The following STPG2 variants were observed in gnomAD, a reference collection of about 807,000 sequenced individuals.
STPG2 encodes the protein sperm tail PG-rich repeat containing 2.
STPG2 carries 56 observed loss-of-function variants against 54.2 expected under a neutral mutation model. The observed-to-expected ratio is 1.03, with a 90% CI of 0.83 to 1.29. STPG2 has a LOEUF of 1.29. STPG2 is among the 50% of genes most tolerant of loss of function. The pLI, the probability that STPG2 is intolerant of heterozygous loss-of-function variation, is 0.00. For synonymous variants in STPG2, 200 were observed against 181.8 expected (o/e 1.10, Z -0.81); for missense variants, 596 against 544.9 (o/e 1.09, Z -0.93).
rs771053854 is a variant in STPG2 at position 98,106,076 on chromosome 4, T to C, written c.501-12A>G. ...ATGATGTCTTTTTCCTTCAGAAAAT[T>C]CAAATAGAAATTAAGAATTCTCAAT... On this transcript the variant is annotated splice_polypyrimidine_tract_variant and intron_variant, in intron 4 of 10. Transcript: ENST00000295268. The C allele has an allele frequency of 2.9e-6, 4 of 1,397,600 alleles. No homozygotes were observed. In the Admixed American group the frequency reaches 9.7e-5, roughly 34 times the overall value. 86.6% of individuals were successfully genotyped at this position (1,397,600 alleles called of 1,614,324 possible).
intron 4 of STPG2, among the ~76,000 whole-genome samples, chr4:97,474,988 AATTC>A (rs1730035791): frequency 6.6e-6 from 1 of 152,090 alleles, no homozygotes; most frequent in African/African-American, 2.4e-5. Flanking sequence ...ATACAGCATT[AATTC>A]ATTTTCTTAT....
intron 4 of STPG2, among the ~76,000 whole-genome samples, chr4:97,511,084 G>A (rs1013227220): frequency 1.3e-5 from 2 of 152,048 alleles, no homozygotes; most frequent in Non-Finnish European, 2.9e-5. Flanking sequence ...AATAGAAAAT[G>A]TATAGTAAGA....
chr4:97,795,489 T>C (rs983085152), intron 9 of STPG2, among the ~76,000 whole-genome samples: 1 of 152,208 alleles, frequency 6.6e-6, no homozygotes, highest in African/African-American at 2.4e-5. Flanking sequence ...GAATGATGGT[T>C]TCCAGCTTCA....
intron 8 of STPG2, among the ~76,000 whole-genome samples, chr4:97,882,300 G>C (rs1387822096): frequency 6.6e-6 from 1 of 150,920 alleles, no homozygotes; most frequent in East Asian, 2.0e-4. Flanking sequence ...TAGACCTTGG[G>C]GAGGAAAATA....
intron 5 of STPG2, among the ~76,000 whole-genome samples, chr4:98,022,024 G>A (rs1736223279): frequency 6.6e-6 from 1 of 151,564 alleles, no homozygotes; most frequent in African/African-American, 2.4e-5. Context: ...TACATTTAAA[G>A]TTAATATTGT....
chr4:97,713,245 G>A (rs1000920859), intron 9 of STPG2, among the ~76,000 whole-genome samples: 19 of 152,148 alleles, frequency 1.2e-4, no homozygotes, highest in Admixed American at 3.9e-4. Flanking sequence ...AAATCAAGAC[G>A]CAAAGATGGA....
At chr4:97,796,660 C>A (rs1727193526) in intron 9 of STPG2, among the ~76,000 whole-genome samples, 1 of 152,116 alleles carries the variant, frequency 6.6e-6, no homozygotes, top group South Asian at 2.1e-4. Flanking sequence ...GTTCTTTTGG[C>A]TTAGGATTGT....
At chr4:98,015,226 GA>G (rs1426795034) in intron 5 of STPG2, among the ~76,000 whole-genome samples, 1 of 152,100 alleles carries the variant, frequency 6.6e-6, no homozygotes, top group Admixed American at 6.6e-5. Flanking sequence ...TTAAACTAAA[GA>G]GCTTCTGCAC....
chr4:97,525,459 G>A (rs1187278084), intron 4 of STPG2, among the ~76,000 whole-genome samples: 2 of 151,820 alleles, frequency 1.3e-5, no homozygotes, highest in Non-Finnish European at 2.9e-5. Flanking sequence ...TAAACCAAAG[G>A]CTATTGTAAT....
intron 8 of STPG2, among the ~76,000 whole-genome samples, chr4:97,918,943 TGTTCCCC>T: frequency 6.6e-6 from 1 of 152,174 alleles, no homozygotes; most frequent in Non-Finnish European, 1.5e-5. Flanking sequence ...AAACACCACC[TGTTCCCC>T]AAAAACTATT....
intron 6 of STPG2, among the ~76,000 whole-genome samples, chr4:97,976,212 C>T (rs1036655238): frequency 1.3e-5 from 2 of 152,038 alleles, no homozygotes; most frequent in Admixed American, 1.3e-4. Flanking sequence ...TATATTATTC[C>T]CGCTGCTGTT....
intron 10 of STPG2, among the ~76,000 whole-genome samples, chr4:97,638,095 A>C (rs1560697721): frequency 6.6e-6 from 1 of 152,190 alleles, no homozygotes; most frequent in African/African-American, 2.4e-5. Flanking sequence ...TTCAAACTAT[A>C]CTACAAGGCT....
At chr4:98,000,004 T>A (rs1246362637) in intron 5 of STPG2, among the ~76,000 whole-genome samples, 1 of 152,228 alleles carries the variant, frequency 6.6e-6, no homozygotes, top group African/African-American at 2.4e-5. Context: ...TGGTTCTCAG[T>A]ATTATATCCA....
chr4:97,702,742 A>C (rs1723814423), intron 10 of STPG2, among the ~76,000 whole-genome samples: 1 of 152,112 alleles, frequency 6.6e-6, no homozygotes, highest in Admixed American at 6.5e-5. Flanking sequence ...CCCCAGCTTC[A>C]TCAGGGTCCT....
At chr4:97,597,140 C>T (rs774836473) in intron 10 of STPG2, among the ~76,000 whole-genome samples, 2 of 151,952 alleles carry the variant, frequency 1.3e-5, no homozygotes, top group Non-Finnish European at 2.9e-5. Flanking sequence ...CCTCTATGCA[C>T]AAAAATTAGA....
intron 10 of STPG2, among the ~76,000 whole-genome samples, chr4:97,683,163 A>C (rs1021605692): frequency 3.3e-5 from 5 of 151,820 alleles, no homozygotes; most frequent in African/African-American, 1.2e-4. Context: ...TATTTGTATC[A>C]GTTCTCTTTT....
intron 9 of STPG2, among the ~76,000 whole-genome samples, chr4:97,737,066 TCTGCAGCCACCG>T (rs1346207113): frequency 3.3e-5 from 5 of 152,100 alleles, no homozygotes; most frequent in Non-Finnish European, 7.4e-5. Context: ...AATACGCTGT[TCTGCAGCCACCG>T]CTGCTGGAAC....
intron 5 of STPG2, among the ~76,000 whole-genome samples, chr4:98,081,488 G>T (rs1738343348): frequency 6.6e-6 from 1 of 152,158 alleles, no homozygotes; most frequent in Non-Finnish European, 1.5e-5. Context: ...AAAAAAAACT[G>T]ATGGGAGACC....
intron 5 of STPG2, among the ~76,000 whole-genome samples, chr4:98,082,356 C>CA (rs35155024): frequency 0.39 from 58,739 of 149,372 alleles, 11,806 homozygotes; most frequent in Middle Eastern, 0.46. Flanking sequence ...CCCAGAGCTG[C>CA]AGCATTTCTT....
Sources: gnomAD v4.1 joint callset for allele counts (sites outside exome capture counted in the v4.1 genomes callset) on GRCh38, gnomAD v4.1.1 for gene constraint, MANE v1.5 for transcripts, NCBI Gene and HGNC (gene_info 2026-07-23, HGNC 2026-07-21) for gene names.